Variants in PAK5 observed in about 807,000 individuals in gnomAD.
The protein encoded by PAK5 is serine/threonine-protein kinase PAK 5.
In PAK5, 16 loss-of-function variants were observed where a neutral mutation model predicts 65.9. That is an observed-to-expected ratio of 0.24 (90% CI 0.16 to 0.37). PAK5 has a LOEUF of 0.37. Ranked by LOEUF, PAK5 falls within the 10% of genes least tolerant of loss-of-function variation. PAK5 has a pLI of 1.00. For missense variants in PAK5, 785 were observed against 903.9 expected (o/e 0.87, Z 1.69); for synonymous variants, 371 against 354.9 (o/e 1.05, Z -0.51).
At chr20:9,762,686 A>G (rs778796583) in intron 1 of PAK5, among the ~76,000 whole-genome samples, 1 of 152,142 alleles carries the variant, frequency 6.6e-6, no homozygotes, top group Non-Finnish European at 1.5e-5. Flanking sequence ...AAATTAGTAC[A>G]TCCATTATGG....
At chr20:9,553,603 G>A (rs1337836166) in intron 7 of PAK5, among the ~76,000 whole-genome samples, 5 of 151,872 alleles carry the variant, frequency 3.3e-5, no homozygotes, top group Non-Finnish European at 7.4e-5. Flanking sequence ...ATCATATAGT[G>A]TGTATCCTTT....
At chr20:9,661,671 T>C (rs909937597) in intron 2 of PAK5, among the ~76,000 whole-genome samples, 4 of 152,178 alleles carry the variant, frequency 2.6e-5, no homozygotes, top group African/African-American at 9.7e-5. Context: ...AACCTCAAGA[T>C]AAAATATAAG....
rs751063947 is a variant in PAK5 at position 9,542,635 on chromosome 20, A to G, written c.1955T>C (p.Met652Thr). 5.0e-6 allele frequency: 8 copies of G among 1,613,596 alleles called. No individual in the cohort carries two copies. The highest frequency in any genetic ancestry group is 6.8e-6 in the Non-Finnish European group (8 of 1,179,562). Residue 652 changes from methionine to threonine, a missense_variant, in exon 9 of 10, where the codon ATG becomes ACG. Coordinates refer to ENST00000353224, the MANE Select transcript of PAK5 (RefSeq NM_177990.4). ...PYFNEPPLQA[M>T]RRIRDSLPPR... is the part of the protein sequence containing the mutation. ...AGGTAAACTGTCCCGGATCCTCCGC[A>G]TCGCCTGGAGGGGAGGCTCATTGAA...
At chr20:9,646,250 T>A (rs138394354) in intron 2 of PAK5, among the ~76,000 whole-genome samples, 13 of 152,322 alleles carry the variant, frequency 8.5e-5, no homozygotes, top group African/African-American at 3.1e-4. Flanking sequence ...CTTCCAGTTT[T>A]CTCAAGTTCC....
chr20:9,713,956 A>G (rs2048109936), intron 1 of PAK5, among the ~76,000 whole-genome samples: 1 of 152,112 alleles, frequency 6.6e-6, no homozygotes, highest in Non-Finnish European at 1.5e-5. Flanking sequence ...CCATAGGAAA[A>G]TTACACTTAA....
At chr20:9,682,154 G>A (rs1569037522) in intron 2 of PAK5, among the ~76,000 whole-genome samples, 1 of 152,112 alleles carries the variant, frequency 6.6e-6, no homozygotes, top group Non-Finnish European at 1.5e-5. Flanking sequence ...TCAGGAGATC[G>A]AGACCATCCT....
chr20:9,593,701 C>T (rs1413841019), intron 3 of PAK5, among the ~76,000 whole-genome samples: 1 of 152,166 alleles, frequency 6.6e-6, no homozygotes, highest in African/African-American at 2.4e-5. Flanking sequence ...TTTCCTTTTG[C>T]ACCGCAGAAA....
rs777831878 is a variant in PAK5 at position 9,566,296 on chromosome 20, C to T, written c.1079G>A (p.Ser360Asn). The T allele has an allele frequency of 1.2e-6, 2 of 1,613,782 alleles. No individual in the cohort carries two copies. The highest frequency in any genetic ancestry group is 1.3e-5 in the African/African-American group (1 of 75,008). ...TGAGGAATAGCCCGATTTGCTTTGACTTTGAGGTAGTTTGGCAGGGCCCCT... is the reference window on the plus strand; with the variant it reads ...TGAGGAATAGCCCGATTTGCTTTGATTTTGAGGTAGTTTGGCAGGGCCCCT... ...YPRGPAKLPQ[S>N]QSKSGYSSSS... The change falls in exon 5 of 10, where the codon AGT becomes AAT. Residue 360 changes from serine to asparagine, a missense_variant. Around this residue, in one of 4 missense-constraint regions of PAK5, gnomAD observed 422 missense variants for 413.3 expected, o/e 1.02. Coordinates refer to ENST00000353224, the MANE Select transcript of PAK5 (RefSeq NM_177990.4).
At chr20:9,759,103 C>T (rs928728817) in intron 1 of PAK5, among the ~76,000 whole-genome samples, 1 of 152,050 alleles carries the variant, frequency 6.6e-6, no homozygotes, top group Non-Finnish European at 1.5e-5. Flanking sequence ...AATATGAGAA[C>T]ACAATCAAAT....
intron 7 of PAK5, among the ~76,000 whole-genome samples, chr20:9,549,044 A>C (rs900089097): frequency 6.6e-6 from 1 of 152,164 alleles, no homozygotes; most frequent in Non-Finnish European, 1.5e-5. Flanking sequence ...AGTATGAAAA[A>C]AAGGGCCTTG....
At chr20:9,627,586 A>C (rs985331448) in intron 3 of PAK5, among the ~76,000 whole-genome samples, 4 of 152,174 alleles carry the variant, frequency 2.6e-5, no homozygotes, top group Non-Finnish European at 4.4e-5. Flanking sequence ...CAAGTGAAAG[A>C]GACCTGCGGT....
At chr20:9,823,004 T>C (rs2049440893) in intron 1 of PAK5, among the ~76,000 whole-genome samples, 1 of 152,350 alleles carries the variant, frequency 6.6e-6, no homozygotes, top group African/African-American at 2.4e-5. Context: ...GAAATTCACA[T>C]GTTGGAACTT....
chr20:9,641,805 G>A (rs1028895760), intron 3 of PAK5, among the ~76,000 whole-genome samples: 36 of 152,178 alleles, frequency 2.4e-4, no homozygotes, highest in Non-Finnish European at 4.4e-5. Context: ...GGGGGACTCA[G>A]TACACCCTCC....
rs1353974584 is a variant in PAK5, at chr20:9,539,037, A to AG, written c.*424_*425insC. ...AAAAATTACAAATTCGTTGCAAAAT[A>AG]CATTATACTGCTACCATTAAGAAAA... On this transcript the variant is annotated 3_prime_UTR_variant, in exon 10 of 10. Coordinates refer to ENST00000353224, the MANE Select transcript of PAK5 (RefSeq NM_177990.4). 3 of 235,616 alleles carry AG rather than the reference A, an allele frequency of 1.3e-5. No homozygotes were observed. The allele number at this position is 235,616 out of a possible 1,614,324, so 14.6% of individuals were successfully genotyped here. A position where few individuals can be genotyped will look rare whatever the true frequency, so the allele number is the denominator to read the frequency against.
At position 9,771,224 on chromosome 20, in the gene PAK5, A is replaced by G. The variant is rs76156491; in HGVS notation, c.-161-59789T>C. 3.9e-3 allele frequency among the ~76,000 whole-genome samples: 598 copies of G among 152,244 alleles called. 6 individuals carry two copies. The highest frequency in any genetic ancestry group is 0.014 in the African/African-American group (570 of 41,536). ...GCCACATAGCCCTAACAGAGATAAG[A>G]TATTTTGACTCACTTTTTGATAGAG... On this transcript the variant is annotated intron_variant, in intron 1 of 9. Transcript: ENST00000353224.
At chr20:9,621,402 GA>G (rs373285580) in intron 3 of PAK5, among the ~76,000 whole-genome samples, 22,150 of 117,656 alleles carry the variant, frequency 0.19, 2,170 homozygotes, top group South Asian at 0.37. Context: ...GGGCAGGACT[GA>G]TTAAAAAAAA....
At chr20:9,774,196 A>T (rs908398895) in intron 1 of PAK5, among the ~76,000 whole-genome samples, 1 of 152,206 alleles carries the variant, frequency 6.6e-6, no homozygotes, top group Non-Finnish European at 1.5e-5. Flanking sequence ...CCATGGGAAC[A>T]CTCCCTACTG....
intron 2 of PAK5, among the ~76,000 whole-genome samples, chr20:9,677,842 A>C (rs566181458): frequency 6.6e-6 from 1 of 152,344 alleles, no homozygotes; most frequent in East Asian, 1.9e-4. Context: ...AATACCGTTT[A>C]TGCTCATCAC....
chr20:9,696,442 T>C (rs764780108), intron 2 of PAK5, among the ~76,000 whole-genome samples: 5 of 152,122 alleles, frequency 3.3e-5, no homozygotes, highest in Admixed American at 6.6e-5. Flanking sequence ...TACAACATTG[T>C]AAATATACTG....
Sources: allele counts gnomAD v4.1 joint callset (sites outside exome capture counted in the v4.1 genomes callset), GRCh38; gene constraint gnomAD v4.1.1; regional missense constraint gnomAD v4.1.1; transcripts MANE v1.5; gene names NCBI Gene and HGNC (gene_info 2026-07-23, HGNC 2026-07-21).